The following JAM3 variants were observed in gnomAD, a reference collection of about 807,000 sequenced individuals.
JAM3 encodes the protein junctional adhesion molecule 3.
JAM3 carries 31 observed loss-of-function variants against 39.4 expected under a neutral mutation model. The ratio of observed to expected loss-of-function variants is 0.79; its 90% confidence interval spans 0.59 to 1.06. JAM3 has a LOEUF of 1.06. Among genes scored for constraint, JAM3 ranks in the 50% least tolerant of loss-of-function variants. The pLI, the probability that JAM3 is intolerant of heterozygous loss-of-function variation, is 0.00. For missense variants in JAM3, 455 were observed against 391.4 expected (o/e 1.16, Z -1.37); for synonymous variants, 182 against 148.7 (o/e 1.22, Z -1.63).
intron 1 of JAM3, among the ~76,000 whole-genome samples, chr11:134,103,348 A>G (rs1382571794): frequency 6.6e-6 from 1 of 152,180 alleles, no homozygotes; most frequent in African/African-American, 2.4e-5. Context: ...GCCCTACAAG[A>G]GCTCCTGAAG....
At chr11:134,070,495 G>A (rs1373677079) in intron 1 of JAM3, among the ~76,000 whole-genome samples, 4 of 152,186 alleles carry the variant, frequency 2.6e-5, no homozygotes, top group African/African-American at 7.2e-5. Flanking sequence ...GAGTTTTAGC[G>A]TATAGATTAT....
At chr11:134,146,192 C>CA (rs1943067735) in intron 6 of JAM3, 147 bp downstream of exon 6, 1 of 698,848 alleles carries the variant, frequency 1.4e-6, no homozygotes, top group Non-Finnish European at 2.6e-6. Flanking sequence ...GAACCCACTG[C>CA]ACAGTGAAGG....
At chr11:134,090,711 C>CA (rs1786955336) in intron 1 of JAM3, among the ~76,000 whole-genome samples, 1 of 152,038 alleles carries the variant, frequency 6.6e-6, no homozygotes, top group Admixed American at 6.6e-5. Context: ...AGCCATGTAA[C>CA]AAAGTTGTCT....
chr11:134,127,623 C>T (rs867954291), intron 1 of JAM3, among the ~76,000 whole-genome samples: 4 of 152,186 alleles, frequency 2.6e-5, no homozygotes, highest in African/African-American at 9.7e-5. Context: ...TCACTTGAGC[C>T]CCGGAGGTGG....
chr11:134,119,660 G>A (rs1440430061), intron 1 of JAM3, among the ~76,000 whole-genome samples: 4 of 152,198 alleles, frequency 2.6e-5, no homozygotes, highest in African/African-American at 9.6e-5. Flanking sequence ...TCCTCTTGGA[G>A]AGGAGGCCAG....
At chr11:134,100,178 A>T (rs77103207) in intron 1 of JAM3, among the ~76,000 whole-genome samples, 4 of 152,224 alleles carry the variant, frequency 2.6e-5, no homozygotes, top group Middle Eastern at 6.8e-3. Context: ...TAAAAAAAAA[A>T]TAGTGGTCAG....
intron 1 of JAM3, among the ~76,000 whole-genome samples, chr11:134,116,254 T>G (rs1295675552): frequency 6.6e-6 from 1 of 152,184 alleles, no homozygotes; most frequent in African/African-American, 2.4e-5. Flanking sequence ...ATAAAGTTTT[T>G]TCATGAATAT....
intron 1 of JAM3, among the ~76,000 whole-genome samples, chr11:134,091,266 TG>T (rs1382880686): frequency 6.6e-6 from 1 of 151,496 alleles, no homozygotes; most frequent in Non-Finnish European, 1.5e-5. Context: ...GAGGCCGAGG[TG>T]GGTGGATCAT....
chr11:134,123,377 AC>A (rs1304074374), intron 1 of JAM3, among the ~76,000 whole-genome samples: 13 of 149,686 alleles, frequency 8.7e-5, no homozygotes, highest in East Asian at 8.0e-4. Flanking sequence ...ATACACCACC[AC>A]CCCCCCCCCC....
intron 1 of JAM3, among the ~76,000 whole-genome samples, chr11:134,075,186 A>G (rs1941546420): frequency 6.6e-6 from 1 of 152,202 alleles, no homozygotes; most frequent in Non-Finnish European, 1.5e-5. Flanking sequence ...AGTTTAGTCA[A>G]ATAACAGAGC....
chr11:134,112,148 A>G lies in JAM3; in HGVS notation c.77-27703A>G, dbSNP rs143200175. 2.7e-3 allele frequency among the ~76,000 whole-genome samples: 411 copies of G among 152,250 alleles called. 3 individuals are homozygous for G. The highest frequency in any genetic ancestry group is 9.5e-3 in the African/African-American group (394 of 41,534). ...GTTGCCCAGTATGGAGTGTGGTTGC[A>G]TGGCCTTGGCTCACTGCAACCTCTG... On this transcript the variant is annotated intron_variant, in intron 1 of 8. Transcript: ENST00000299106.
At chr11:134,119,300 G>A (rs1942492638) in intron 1 of JAM3, among the ~76,000 whole-genome samples, 1 of 152,184 alleles carries the variant, frequency 6.6e-6, no homozygotes, top group South Asian at 2.1e-4. Context: ...CAAAGAAATA[G>A]CACCTGCTTT....
At chr11:134,145,358 T>C in intron 5 of JAM3, 1 of 386,240 alleles carries the variant, frequency 2.6e-6, no homozygotes, top group Non-Finnish European at 4.9e-6. Flanking sequence ...TTAGGCATGA[T>C]GAAGGTATTG....
rs1943181815 is a variant in JAM3, at chr11:134,150,393, GCGCCAGGCGCCCC to G, written c.*1216_*1228del. On this transcript the variant is annotated 3_prime_UTR_variant, in exon 9 of 9. Transcript: ENST00000299106. ...CAGATGCCAGTCAGCTCCTGGGGTT[GCGCCAGGCGCCCC>G]CGCTCTAGCTCACTGTTGCCTCGCT... The G allele has an allele frequency of 6.6e-6, 1 of 152,366 alleles. No homozygotes were observed. Among genetic ancestry groups the G allele is most frequent in the Non-Finnish European group, 1.5e-5 (1 of 68,104 alleles). The allele number at this position is 152,366 out of a possible 1,614,324, so 9.4% of individuals were successfully genotyped here. A position where few individuals can be genotyped will look rare whatever the true frequency, so the allele number is the denominator to read the frequency against.
intron 1 of JAM3, among the ~76,000 whole-genome samples, chr11:134,105,290 A>T (rs1177390289): frequency 1.3e-5 from 2 of 152,226 alleles, no homozygotes; most frequent in African/African-American, 4.8e-5. Context: ...AAGGCCTTTG[A>T]CAAAATTCAA....
chr11:134,124,610 T>A (rs914685126), intron 1 of JAM3, among the ~76,000 whole-genome samples: 1 of 152,214 alleles, frequency 6.6e-6, no homozygotes, highest in African/African-American at 2.4e-5. Context: ...TAAGCAGCCT[T>A]TACTACATTT....
intron 1 of JAM3, among the ~76,000 whole-genome samples, chr11:134,133,992 A>AATT (rs1591802010): frequency 6.6e-6 from 1 of 152,154 alleles, no homozygotes; most frequent in East Asian, 1.9e-4. Flanking sequence ...TAAGGGTTCT[A>AATT]ATGGGAAAAG....
intron 1 of JAM3, among the ~76,000 whole-genome samples, chr11:134,121,311 G>A (rs1191243337): frequency 6.6e-6 from 1 of 152,230 alleles, no homozygotes. Context: ...GTCCACAGCT[G>A]CTAAAATTGT....
intron 1 of JAM3, among the ~76,000 whole-genome samples, chr11:134,114,536 G>T (rs1159334415): frequency 6.6e-6 from 1 of 152,064 alleles, no homozygotes; most frequent in East Asian, 1.9e-4. Flanking sequence ...GTGTTCCATT[G>T]GTCTCTATCT....
Sources: allele counts gnomAD v4.1 joint callset (sites outside exome capture counted in the v4.1 genomes callset), GRCh38; gene constraint gnomAD v4.1.1; transcripts MANE v1.5; gene names NCBI Gene and HGNC (gene_info 2026-07-23, HGNC 2026-07-21).